The following MARK1 variants were observed in gnomAD, a reference collection of about 807,000 sequenced individuals.
The protein encoded by MARK1 is serine/threonine-protein kinase MARK1.
A neutral mutation model predicts 96.3 loss-of-function variants in MARK1; 40 were observed. The ratio of observed to expected loss-of-function variants is 0.42; its 90% confidence interval spans 0.32 to 0.54. The LOEUF is 0.54. Among genes scored for constraint, MARK1 ranks in the 20% least tolerant of loss-of-function variants. The probability of loss-of-function intolerance (pLI) is 0.16; values close to 1 mark genes in which losing one functional copy is unlikely to be tolerated. For synonymous variants in MARK1, 317 were observed against 341.2 expected (o/e 0.93, Z 0.78); for missense variants, 719 against 984.6 (o/e 0.73, Z 3.61).
chr1:220,655,488 A>C (rs1178388878), intron 16 of MARK1, among the ~76,000 whole-genome samples: 1 of 152,202 alleles, frequency 6.6e-6, no homozygotes, highest in Non-Finnish European at 1.5e-5. Flanking sequence ...TCACCGTGTT[A>C]GAAATTGGCA....
chr1:220,592,842 G>A (rs1414254462), intron 3 of MARK1, among the ~76,000 whole-genome samples: 1 of 152,128 alleles, frequency 6.6e-6, no homozygotes, highest in Non-Finnish European at 1.5e-5. Context: ...TGTTGCAGAG[G>A]GAATGCAGAG....
intron 6 of MARK1, among the ~76,000 whole-genome samples, chr1:220,611,727 T>C (rs112301258): frequency 3.3e-5 from 5 of 152,170 alleles, no homozygotes; most frequent in African/African-American, 1.2e-4. Flanking sequence ...ATTTATTTAT[T>C]TTTTATTTTT....
intron 1 of MARK1, among the ~76,000 whole-genome samples, chr1:220,538,882 T>G (rs1177381890): frequency 6.7e-6 from 1 of 149,644 alleles, no homozygotes; most frequent in Non-Finnish European, 1.5e-5. Flanking sequence ...CTGTTATTGG[T>G]GTATAAGAAT....
In MARK1 at chr1:220,528,253, G is replaced by C. The variant is rs1660041878; in HGVS notation, c.-570G>C. On this transcript the variant is annotated 5_prime_UTR_variant, in exon 1 of 18. Coordinates refer to ENST00000366917, the MANE Select transcript of MARK1 (RefSeq NM_018650.5). ...CGCGGCGGCGGCGGTGGCTGTGACC[G>C]CGCGGACCGAGCCGAGACATTCGCG... The C allele has an allele frequency of 6.6e-6, 1 of 150,752 alleles. No individual in the cohort carries two copies. The highest frequency in any genetic ancestry group is 2.4e-5 in the African/African-American group (1 of 41,264). 9.3% of individuals were successfully genotyped at this position (150,752 alleles called of 1,614,324 possible).
intron 1 of MARK1, among the ~76,000 whole-genome samples, chr1:220,538,370 C>T (rs970063341): frequency 4.0e-5 from 6 of 150,290 alleles, no homozygotes; most frequent in Non-Finnish European, 7.5e-5. Context: ...TCAGGTTTGT[C>T]AAAGATCAGA....
At chr1:220,529,055 G>C (rs537516148) in intron 1 of MARK1, among the ~76,000 whole-genome samples, 182 bp downstream of exon 1, 1 of 152,248 alleles carries the variant, frequency 6.6e-6, no homozygotes, top group Admixed American at 6.5e-5. Context: ...ACCCCATTTC[G>C]CTTGTTTCCC....
chr1:220,643,182 C>T (rs1668377504), intron 13 of MARK1, among the ~76,000 whole-genome samples: 1 of 152,084 alleles, frequency 6.6e-6, no homozygotes. Flanking sequence ...TGTTCAAACC[C>T]AATGCAAAGA....
At chr1:220,550,425 T>C (rs1661781518) in intron 1 of MARK1, among the ~76,000 whole-genome samples, 1 of 152,178 alleles carries the variant, frequency 6.6e-6, no homozygotes, top group Admixed American at 6.5e-5. Flanking sequence ...GGAACATGGC[T>C]CACTGCAGTC....
At chr1:220,645,097 G>A (rs896415681) in intron 13 of MARK1, among the ~76,000 whole-genome samples, 1 of 152,054 alleles carries the variant, frequency 6.6e-6, no homozygotes, top group African/African-American at 2.4e-5. Flanking sequence ...AGGAGATAGA[G>A]ACATGAAAAA....
At chr1:220,566,929 C>G (rs1179596028) in intron 1 of MARK1, among the ~76,000 whole-genome samples, 2 of 151,984 alleles carry the variant, frequency 1.3e-5, no homozygotes, top group Admixed American at 1.3e-4. Context: ...ACTTAATAGT[C>G]TTTTGTTTAA....
intron 1 of MARK1, among the ~76,000 whole-genome samples, chr1:220,535,955 CTT>C (rs1220470876): frequency 6.6e-6 from 1 of 152,096 alleles, no homozygotes; most frequent in Non-Finnish European, 1.5e-5. Flanking sequence ...AGGCTTCTAA[CTT>C]TGTTCTTTCT....
Position 220,648,182 on chromosome 1 carries a change from G to T in MARK1, c.1471-2438G>T, listed in dbSNP as rs193111027. Reference sequence around the variant, plus strand: ...ATAAAATACTGTATATAAACTTATGGTATAATTATATAAAATATCACTTTA... The same window carrying T: ...ATAAAATACTGTATATAAACTTATGTTATAATTATATAAAATATCACTTTA... On this transcript the variant is annotated intron_variant, in intron 13 of 17. Coordinates refer to ENST00000366917, the MANE Select transcript of MARK1 (RefSeq NM_018650.5). Among the ~76,000 whole-genome samples, 4 of 152,020 alleles carry T rather than the reference G, an allele frequency of 2.6e-5. 1 individual carries two copies. The highest frequency in any genetic ancestry group is 2.6e-4 in the Admixed American group (4 of 15,280).
At chr1:220,547,688 C>T in intron 1 of MARK1, among the ~76,000 whole-genome samples, 1 of 152,156 alleles carries the variant, frequency 6.6e-6, no homozygotes, top group Non-Finnish European at 1.5e-5. Flanking sequence ...CCTCAGCCCC[C>T]CAAGTAGCTG....
At chr1:220,538,304 A>C (rs1366925247) in intron 1 of MARK1, among the ~76,000 whole-genome samples, 1 of 152,064 alleles carries the variant, frequency 6.6e-6, no homozygotes, top group Non-Finnish European at 1.5e-5. Flanking sequence ...ATGGCTAGCC[A>C]GTTTTCCCAG....
chr1:220,642,983 T>G (rs185149568), intron 13 of MARK1, among the ~76,000 whole-genome samples: 109 of 152,002 alleles, frequency 7.2e-4, no homozygotes, highest in Admixed American at 6.7e-3. Context: ...GGTACATAAA[T>G]CCACGAAAAT....
rs750121620 is a variant in MARK1, at chr1:220,636,019, T to G, written c.1463T>G (p.Ile488Ser). 9 of 1,608,698 alleles carry G rather than the reference T, an allele frequency of 5.6e-6. No homozygotes were observed. The highest frequency in any genetic ancestry group is 6.8e-6 in the Non-Finnish European group (8 of 1,177,596). ...CCAGAGAGGAAAAAATCTTCAACTA[T>G]TCCAAGTGTGAGTAAATACTCTGGT... ...VGPERKKSST[I>S]PSNNVYSGGS... Residue 488 changes from isoleucine (I) to serine (S), a missense_variant, in exon 13 of 18, where the codon ATT (isoleucine) becomes AGT (serine). Ile to Ser is a moderately radical substitution (Grantham distance 142). Around this residue, in one of 4 missense-constraint regions of MARK1, gnomAD observed 501 missense variants for 588.3 expected, o/e 0.85. Coordinates refer to ENST00000366917, the MANE Select transcript of MARK1 (RefSeq NM_018650.5).
intron 1 of MARK1, among the ~76,000 whole-genome samples, chr1:220,546,867 G>A (rs936939231): frequency 6.6e-6 from 1 of 152,050 alleles, no homozygotes; most frequent in Non-Finnish European, 1.5e-5. Flanking sequence ...AGCTACTCGG[G>A]AGGCTGAGGC....
intron 3 of MARK1, among the ~76,000 whole-genome samples, chr1:220,596,934 C>A (rs146794189): frequency 5.1e-4 from 77 of 152,310 alleles, no homozygotes; most frequent in African/African-American, 1.8e-3. Context: ...GACGACTCCA[C>A]TCTAGGTACC....
rs1667341590 is a variant in MARK1, at chr1:220,626,473, C to G, written c.910-4562C>G. On this transcript the variant is annotated intron_variant, in intron 9 of 17. Transcript: ENST00000366917. ...GGCCATTTCAAGTTCAGTGCTCTTACAGTGTGGCTCAGACTCCTTATCTGG... is the reference window on the plus strand; with the variant it reads ...GGCCATTTCAAGTTCAGTGCTCTTAGAGTGTGGCTCAGACTCCTTATCTGG... 3 of 536,986 alleles carry G rather than the reference C, an allele frequency of 5.6e-6. No homozygotes were observed. The African/African-American group carries it at 5.8e-5, about 10-fold the overall frequency. 33.3% of individuals were successfully genotyped at this position (536,986 alleles called of 1,614,324 possible).
Sources: gnomAD v4.1 joint callset for allele counts (sites outside exome capture counted in the v4.1 genomes callset) on GRCh38, gnomAD v4.1.1 for gene constraint, gnomAD v4.1.1 regional missense constraint, MANE v1.5 for transcripts, NCBI Gene and HGNC (gene_info 2026-07-23, HGNC 2026-07-21) for gene names.